NXPE2: variants seen among roughly 807,000 people sequenced by gnomAD.
NXPE2 encodes NXPE family member 2.
NXPE2 carries 34 observed loss-of-function variants against 34.4 expected under a neutral mutation model. The ratio of observed to expected loss-of-function variants is 0.99; its 90% confidence interval spans 0.75 to 1.31. The LOEUF (loss-of-function observed/expected upper bound fraction) is 1.31, where lower values mean the gene tolerates loss of function less well. Among genes scored for constraint, NXPE2 ranks in the 40% most tolerant of loss-of-function variants. NXPE2 has a pLI of 0.00. For missense variants in NXPE2, 649 were observed against 672.5 expected (o/e 0.97, Z 0.39); for synonymous variants, 235 against 231.3 (o/e 1.02, Z -0.15).
chr11:114,663,726 CCTAT>C, the NXPE2 span, among the ~76,000 whole-genome samples: 4 of 146,470 alleles, frequency 2.7e-5, no homozygotes, highest in South Asian at 4.4e-4. Flanking sequence ...GATCTACCTA[CCTAT>C]CTATTGGCGA....
chr11:114,808,626 C>T, the NXPE2 span, among the ~76,000 whole-genome samples: 13 of 138,116 alleles, frequency 9.4e-5, no homozygotes, highest in East Asian at 1.3e-3. Context: ...CACATGCATC[C>T]TCCCAAGACT....
chr11:114,787,609 G>A, the NXPE2 span, among the ~76,000 whole-genome samples: 1 of 152,098 alleles, frequency 6.6e-6, no homozygotes, highest in Non-Finnish European at 1.5e-5. Context: ...TCTGGGCTGG[G>A]GAGTTGGAGA....
the NXPE2 span, among the ~76,000 whole-genome samples, chr11:114,801,843 G>C: frequency 1.4e-4 from 21 of 152,292 alleles, no homozygotes; most frequent in Admixed American, 9.8e-4. Flanking sequence ...CCCAGGTTAG[G>C]GGGTAGGGGC....
At chr11:114,589,265 G>A in the NXPE2 span, among the ~76,000 whole-genome samples, 15 of 152,222 alleles carry the variant, frequency 9.9e-5, no homozygotes, top group Non-Finnish European at 1.5e-4. Flanking sequence ...GATGGGTCCT[G>A]GTGCTCAAGC....
chr11:114,704,972 G>A (rs1272106976), intron 4 of NXPE2, among the ~76,000 whole-genome samples: 1 of 152,160 alleles, frequency 6.6e-6, no homozygotes, highest in African/African-American at 2.4e-5. Flanking sequence ...AATTTTTGGA[G>A]CCACTTACAA....
At chr11:114,626,236 CAA>C in the NXPE2 span, among the ~76,000 whole-genome samples, 1 of 152,210 alleles carries the variant, frequency 6.6e-6, no homozygotes, top group Non-Finnish European at 1.5e-5. Context: ...CACAGACAAA[CAA>C]AAAGACAGCA....
the NXPE2 span, among the ~76,000 whole-genome samples, chr11:114,770,157 C>T: frequency 6.6e-6 from 1 of 152,168 alleles, no homozygotes; most frequent in African/African-American, 2.4e-5. Context: ...AAGATGTAGA[C>T]AGTGATCCAG....
At chr11:114,618,204 T>C in the NXPE2 span, among the ~76,000 whole-genome samples, 2 of 150,252 alleles carry the variant, frequency 1.3e-5, no homozygotes, top group Admixed American at 1.3e-4. Flanking sequence ...ATTGCCTCAT[T>C]GGTCACCACT....
the NXPE2 span, among the ~76,000 whole-genome samples, chr11:114,725,994 A>ATATATATATATATATATATATATAT: frequency 4.6e-3 from 402 of 86,920 alleles, 30 homozygotes; most frequent in Middle Eastern, 0.019. Context: ...TATATATATA[A>ATATATATATATATATATATATATAT]AAAGAAAAAG....
At chr11:114,501,681 C>T in the NXPE2 span, among the ~76,000 whole-genome samples, 1 of 152,078 alleles carries the variant, frequency 6.6e-6, no homozygotes, top group Non-Finnish European at 1.5e-5. Context: ...CAGAAAAGCT[C>T]CAAGAAGGCC....
chr11:114,557,128 A>C, the NXPE2 span, among the ~76,000 whole-genome samples: 2 of 152,118 alleles, frequency 1.3e-5, no homozygotes, highest in African/African-American at 2.4e-5. Context: ...TCCTGACCTC[A>C]AGTAATCTGC....
At chr11:114,627,308 A>G in the NXPE2 span, among the ~76,000 whole-genome samples, 1 of 152,288 alleles carries the variant, frequency 6.6e-6, no homozygotes, top group African/African-American at 2.4e-5. Context: ...CCATCAGACT[A>G]ACAGCAGATC....
At chr11:114,730,548 C>T in the NXPE2 span, among the ~76,000 whole-genome samples, 1 of 151,982 alleles carries the variant, frequency 6.6e-6, no homozygotes, top group Non-Finnish European at 1.5e-5. Context: ...GACTGTTTTT[C>T]TATTTGTGTC....
chr11:114,505,216 T>TG, the NXPE2 span, among the ~76,000 whole-genome samples: 1 of 151,980 alleles, frequency 6.6e-6, no homozygotes, highest in African/African-American at 2.4e-5. Context: ...CTGATAAATG[T>TG]GGGATTATGT....
At chr11:114,686,879 G>A (rs576248633) in intron 2 of NXPE2, among the ~76,000 whole-genome samples, 1 of 152,036 alleles carries the variant, frequency 6.6e-6, no homozygotes, top group African/African-American at 2.4e-5. Flanking sequence ...GTGATGTTGA[G>A]CATTTCTTAT....
the NXPE2 span, among the ~76,000 whole-genome samples, chr11:114,737,604 T>G: frequency 4.6e-5 from 7 of 152,156 alleles, no homozygotes; most frequent in Non-Finnish European, 1.0e-4. Context: ...TATCCTCATT[T>G]TGTGGATGAG....
the NXPE2 span, among the ~76,000 whole-genome samples, chr11:114,482,681 A>G: frequency 1.3e-5 from 2 of 152,150 alleles, no homozygotes; most frequent in East Asian, 3.9e-4. Flanking sequence ...CCTTAGCCCC[A>G]TAATGCCATC....
chr11:114,656,073 A>G, the NXPE2 span, among the ~76,000 whole-genome samples: 63 of 152,204 alleles, frequency 4.1e-4, no homozygotes, highest in Admixed American at 2.8e-3. Context: ...AAGCAACTTC[A>G]GCAAAGTCTC....
At chr11:114,492,206 A>G in the NXPE2 span, among the ~76,000 whole-genome samples, 3 of 152,076 alleles carry the variant, frequency 2.0e-5, no homozygotes, top group Admixed American at 6.5e-5. Context: ...CATTTTGTTG[A>G]TATTTTGTAT....
Sources: gnomAD v4.1 joint callset for allele counts (sites outside exome capture counted in the v4.1 genomes callset) on GRCh38, gnomAD v4.1.1 for gene constraint, MANE v1.5 for transcripts, NCBI Gene and HGNC (gene_info 2026-07-23, HGNC 2026-07-21) for gene names.